FAM107B: variants seen among roughly 807,000 people sequenced by gnomAD.
The protein encoded by FAM107B is protein FAM107B.
Under a neutral mutation model 31.5 loss-of-function variants are expected in FAM107B, and 21 were observed. The ratio of observed to expected loss-of-function variants is 0.67; its 90% CI spans 0.47 to 0.96. The LOEUF is 0.96. Ranked by LOEUF, FAM107B falls within the 40% of genes least tolerant of loss-of-function variation. FAM107B has a pLI of 0.00. For synonymous variants in FAM107B, 157 were observed against 141.5 expected (o/e 1.11, Z -0.78); for missense variants, 452 against 377.1 (o/e 1.20, Z -1.64).
chr10:14,625,922 G>C (rs1177407025), intron 2 of FAM107B, among the ~76,000 whole-genome samples: 4 of 143,850 alleles, frequency 2.8e-5, no homozygotes, highest in Non-Finnish European at 4.5e-5. Flanking sequence ...GGCTTAAAAG[G>C]AGAAGTCGTA....
chr10:14,582,804 C>T (rs542062668), intron 2 of FAM107B, among the ~76,000 whole-genome samples: 24 of 152,112 alleles, frequency 1.6e-4, no homozygotes, highest in Middle Eastern at 3.4e-3. Context: ...AGACGAAACT[C>T]GCCGGGCATG....
At position 14,720,662 on chromosome 10, in the gene FAM107B, C is replaced by A. The variant is rs77756065; in HGVS notation, c.412-52971G>T. ...AGAAACATAAGAAAATTATAACGAA[C>A]AGAATGGATCCCTCAACATTCTACC... On this transcript the variant is annotated intron_variant, in intron 1 of 4. Coordinates refer to ENST00000181796, the MANE Select transcript of FAM107B (RefSeq NM_031453.4). Among the ~76,000 whole-genome samples the A allele has an allele frequency of 3.4e-3, 520 of 152,242 alleles. 12 individuals are homozygous for A. In the East Asian group the frequency reaches 0.046, roughly 13 times the overall value.
intron 1 of FAM107B, among the ~76,000 whole-genome samples, chr10:14,671,622 G>T (rs1854545138): frequency 6.6e-6 from 1 of 152,050 alleles, no homozygotes; most frequent in African/African-American, 2.4e-5. Flanking sequence ...CTGGACTTCT[G>T]GGAAAATGAC....
In FAM107B at chr10:14,623,521, G is replaced by A. The variant is rs116695999; in HGVS notation, c.469+44113C>T. Among the ~76,000 whole-genome samples, 226 of 152,352 alleles carry A rather than the reference G, an allele frequency of 1.5e-3. 1 individual carries two copies. The highest frequency in any genetic ancestry group is 4.5e-3 in the African/African-American group (188 of 41,582). On this transcript the variant is annotated intron_variant, in intron 2 of 4. Coordinates refer to ENST00000181796, the MANE Select transcript of FAM107B (RefSeq NM_031453.4). ...GAGGAGGAGTCGGGAGAGCTCAGGC[G>A]TCAAGCTAACTAGCTCAAAACTGGG...
At chr10:14,630,796 A>T (rs1020189915) in intron 2 of FAM107B, among the ~76,000 whole-genome samples, 2 of 152,150 alleles carry the variant, frequency 1.3e-5, no homozygotes, top group African/African-American at 4.8e-5. Flanking sequence ...GGCTGAGGTG[A>T]GCCATGATCA....
At chr10:14,600,248 A>G (rs1254334068) in intron 2 of FAM107B, among the ~76,000 whole-genome samples, 1 of 152,204 alleles carries the variant, frequency 6.6e-6, no homozygotes, top group Non-Finnish European at 1.5e-5. Context: ...CCGGCTTCCC[A>G]GGGCTACTGG....
chr10:14,622,747 T>C (rs1853046747), intron 2 of FAM107B, among the ~76,000 whole-genome samples: 1 of 152,216 alleles, frequency 6.6e-6, no homozygotes, highest in Non-Finnish European at 1.5e-5. Context: ...TACAGAAACA[T>C]AATGTATGCC....
chr10:14,744,502 T>A (rs796461667), intron 1 of FAM107B, among the ~76,000 whole-genome samples: 4 of 152,318 alleles, frequency 2.6e-5, no homozygotes, highest in African/African-American at 9.6e-5. Flanking sequence ...TGGCTCTTAG[T>A]GTTTTGAGGT....
chr10:14,615,378 G>A (rs1852824658), intron 2 of FAM107B, among the ~76,000 whole-genome samples: 1 of 152,164 alleles, frequency 6.6e-6, no homozygotes, highest in South Asian at 2.1e-4. Flanking sequence ...TAAGCTGATA[G>A]GAACGATCTT....
chr10:14,595,422 CTTT>C (rs35540585), intron 2 of FAM107B, among the ~76,000 whole-genome samples: 2 of 98,148 alleles, frequency 2.0e-5, no homozygotes, highest in African/African-American at 3.6e-5. Context: ...CTAGGGCAAC[CTTT>C]TTTTTTTTTT....
chr10:14,740,108 T>C (rs1182279990), intron 1 of FAM107B, among the ~76,000 whole-genome samples: 1 of 152,238 alleles, frequency 6.6e-6, no homozygotes, highest in Admixed American at 6.5e-5. Context: ...CCAGAAATCA[T>C]GGTCCTTGAC....
At chr10:14,669,533 G>A (rs1049030864) in intron 1 of FAM107B, among the ~76,000 whole-genome samples, 2 of 152,056 alleles carry the variant, frequency 1.3e-5, no homozygotes, top group East Asian at 1.9e-4. Context: ...TAAAGAAAAT[G>A]TGGTAAATAT....
At chr10:14,582,599 G>A (rs531399359) in intron 2 of FAM107B, among the ~76,000 whole-genome samples, 19 of 151,440 alleles carry the variant, frequency 1.3e-4, no homozygotes, top group East Asian at 3.9e-4. Context: ...GGATGGTCTC[G>A]ATCTCCTGAC....
At chr10:14,711,318 T>C (rs747033572) in intron 1 of FAM107B, among the ~76,000 whole-genome samples, 1 of 152,240 alleles carries the variant, frequency 6.6e-6, no homozygotes, top group Non-Finnish European at 1.5e-5. Context: ...CACTCACTGA[T>C]TGACTCACCC....
chr10:14,586,920 A>G (rs1374077221), intron 2 of FAM107B, among the ~76,000 whole-genome samples: 12 of 152,198 alleles, frequency 7.9e-5, no homozygotes, highest in Non-Finnish European at 8.8e-5. Flanking sequence ...GCCCAAGAGG[A>G]TGATATAGGT....
intron 2 of FAM107B, among the ~76,000 whole-genome samples, chr10:14,617,038 A>C (rs1428194054): frequency 6.6e-6 from 1 of 152,158 alleles, no homozygotes; most frequent in Non-Finnish European, 1.5e-5. Context: ...GGAGAGGAGC[A>C]ATAGGAGAAA....
intron 1 of FAM107B, chr10:14,723,531 C>A (rs542946285): frequency 1.6e-6 from 1 of 630,906 alleles, no homozygotes; most frequent in Non-Finnish European, 2.9e-6. Flanking sequence ...CCAGCATACA[C>A]CACATCAAAC....
intron 2 of FAM107B, among the ~76,000 whole-genome samples, chr10:14,589,695 T>C (rs1392720932): frequency 1.3e-5 from 2 of 152,024 alleles, no homozygotes; most frequent in African/African-American, 4.8e-5. Flanking sequence ...AAATACCAAA[T>C]GTATGCGGGG....
At chr10:14,611,032 T>G (rs1852711362) in intron 2 of FAM107B, among the ~76,000 whole-genome samples, 1 of 152,228 alleles carries the variant, frequency 6.6e-6, no homozygotes, top group Non-Finnish European at 1.5e-5. Context: ...TCGCGAAGAA[T>G]CGAGAGAAAC....
Sources: gnomAD v4.1 joint callset for allele counts (sites outside exome capture counted in the v4.1 genomes callset) on GRCh38, gnomAD v4.1.1 for gene constraint, MANE v1.5 for transcripts, NCBI Gene and HGNC (gene_info 2026-07-23, HGNC 2026-07-21) for gene names.